The following FHIT variants were observed in gnomAD, a reference collection of about 807,000 sequenced individuals.
The protein encoded by FHIT is bis(5'-adenosyl)-triphosphatase.
In FHIT, 19 loss-of-function variants were observed where a neutral mutation model predicts 17.9. That is an observed-to-expected ratio of 1.06 (90% CI 0.74 to 1.56). The LOEUF is 1.56. Ranked by LOEUF, FHIT falls within the 40% of genes most tolerant of loss-of-function variation. The pLI is 0.00. For synonymous variants in FHIT, 81 were observed against 69.7 expected (o/e 1.16, Z -0.81); for missense variants, 248 against 189.2 (o/e 1.31, Z -1.82).
At chr3:59,923,727 T>G (rs2107198077) in intron 7 of FHIT, among the ~76,000 whole-genome samples, 1 of 152,226 alleles carries the variant, frequency 6.6e-6, no homozygotes, top group South Asian at 2.1e-4. Context: ...CACCCACCCC[T>G]TCCTGATTAC....
chr3:61,175,649 C>G (rs1380858730), intron 2 of FHIT, among the ~76,000 whole-genome samples: 1 of 151,964 alleles, frequency 6.6e-6, no homozygotes, highest in Non-Finnish European at 1.5e-5. Flanking sequence ...GGATTAGCAC[C>G]CTTATAAAAG....
At chr3:60,618,669 T>C (rs1420568236) in intron 4 of FHIT, among the ~76,000 whole-genome samples, 1 of 152,192 alleles carries the variant, frequency 6.6e-6, no homozygotes, top group African/African-American at 2.4e-5. Flanking sequence ...TGCGAATATG[T>C]TATGCAAAAA....
At chr3:59,766,384 G>T (rs774370652) in intron 8 of FHIT, among the ~76,000 whole-genome samples, 17 of 152,190 alleles carry the variant, frequency 1.1e-4, no homozygotes, top group Non-Finnish European at 2.1e-4. Context: ...CCATATAAAA[G>T]TACTGGAGTT....
At chr3:60,373,478 C>T (rs1700422279) in intron 5 of FHIT, among the ~76,000 whole-genome samples, 1 of 152,082 alleles carries the variant, frequency 6.6e-6, no homozygotes, top group African/African-American at 2.4e-5. Context: ...GCAGAGCCAC[C>T]ATCATAGGAG....
At chr3:60,601,550 C>T (rs993670840) in intron 4 of FHIT, among the ~76,000 whole-genome samples, 3 of 152,136 alleles carry the variant, frequency 2.0e-5, no homozygotes, top group Admixed American at 1.3e-4. Context: ...GATCAACTCA[C>T]ACCAGTTAAG....
chr3:60,041,466 A>C (rs1701437085), intron 5 of FHIT, among the ~76,000 whole-genome samples: 1 of 152,228 alleles, frequency 6.6e-6, no homozygotes, highest in Admixed American at 6.5e-5. Context: ...GTTGGAATGA[A>C]GCCTTTCGAA....
intron 8 of FHIT, among the ~76,000 whole-genome samples, chr3:59,915,799 G>GT (rs1035730274): frequency 6.6e-6 from 1 of 152,112 alleles, no homozygotes; most frequent in Non-Finnish European, 1.5e-5. Context: ...AGGTGTGGTG[G>GT]TATGTGCCTG....
At chr3:60,522,392 G>A (rs2035406100) in intron 5 of FHIT, among the ~76,000 whole-genome samples, 1 of 152,208 alleles carries the variant, frequency 6.6e-6, no homozygotes, top group Non-Finnish European at 1.5e-5. Context: ...TTACAGGCAT[G>A]AGTCACTATG....
chr3:59,822,752 T>C (rs1011784760), intron 8 of FHIT, among the ~76,000 whole-genome samples: 6 of 152,178 alleles, frequency 3.9e-5, no homozygotes, highest in Non-Finnish European at 7.4e-5. Flanking sequence ...CTGTGGGTTG[T>C]CTATTTAGTC....
At chr3:60,552,289 T>C (rs2036587325) in intron 4 of FHIT, among the ~76,000 whole-genome samples, 1 of 152,236 alleles carries the variant, frequency 6.6e-6, no homozygotes, top group South Asian at 2.1e-4. Context: ...GCTGTGAATA[T>C]TCAGGTGCAA....
intron 5 of FHIT, among the ~76,000 whole-genome samples, chr3:60,340,627 C>A (rs1469233692): frequency 2.6e-5 from 4 of 152,190 alleles, no homozygotes; most frequent in Non-Finnish European, 5.9e-5. Context: ...CGATGGGCTG[C>A]AGGATAATTA....
intron 5 of FHIT, among the ~76,000 whole-genome samples, chr3:60,274,626 T>C (rs1421398935): frequency 6.6e-6 from 1 of 152,168 alleles, no homozygotes; most frequent in Admixed American, 6.5e-5. Context: ...AAGAAGTGGT[T>C]CCAAATTCAA....
chr3:60,947,068 C>A (rs1438929212), intron 3 of FHIT, among the ~76,000 whole-genome samples: 1 of 152,134 alleles, frequency 6.6e-6, no homozygotes, highest in Non-Finnish European at 1.5e-5. Context: ...AGACAAAATT[C>A]TTCTTAATCT....
chr3:60,087,431 T>G (rs1387416792), intron 5 of FHIT, among the ~76,000 whole-genome samples: 1 of 152,188 alleles, frequency 6.6e-6, no homozygotes, highest in Non-Finnish European at 1.5e-5. Context: ...AATGTTTCCT[T>G]TCCCACCAAA....
intron 5 of FHIT, among the ~76,000 whole-genome samples, chr3:60,421,243 G>T (rs1410263306): frequency 6.6e-6 from 1 of 151,924 alleles, no homozygotes; most frequent in Non-Finnish European, 1.5e-5. Context: ...CACTTCAACT[G>T]TTTAGCTGCC....
At chr3:60,710,657 G>A (rs1185286631) in intron 4 of FHIT, among the ~76,000 whole-genome samples, 6 of 152,214 alleles carry the variant, frequency 3.9e-5, no homozygotes, top group African/African-American at 1.4e-4. Flanking sequence ...CACCCACGGA[G>A]TCTCACTGAT....
At chr3:59,942,332 T>TTC (rs1237825508) in intron 7 of FHIT, among the ~76,000 whole-genome samples, 1 of 152,138 alleles carries the variant, frequency 6.6e-6, no homozygotes, top group Non-Finnish European at 1.5e-5. Context: ...ATACACTACC[T>TTC]TCCTCCTCCC....
chr3:60,168,489 G>T (rs889784917), intron 5 of FHIT, among the ~76,000 whole-genome samples: 4 of 152,134 alleles, frequency 2.6e-5, no homozygotes, highest in African/African-American at 9.7e-5. Flanking sequence ...ACTCAAAGAA[G>T]AATCCCCTCT....
intron 3 of FHIT, among the ~76,000 whole-genome samples, chr3:60,895,819 AT>A (rs35105245): frequency 1.2e-4 from 16 of 137,644 alleles, no homozygotes; most frequent in African/African-American, 3.4e-4. Flanking sequence ...ACAGGTCCTC[AT>A]TTTTTTTTTA....
Sources: allele counts gnomAD v4.1 joint callset (sites outside exome capture counted in the v4.1 genomes callset), GRCh38; gene constraint gnomAD v4.1.1; transcripts MANE v1.5; gene names NCBI Gene and HGNC (gene_info 2026-07-23, HGNC 2026-07-21).